Variants in NDUFB4 observed in about 807,000 individuals in gnomAD.
The protein encoded by NDUFB4 is NADH:ubiquinone oxidoreductase subunit B4.
In NDUFB4, 10 loss-of-function variants were observed where a neutral mutation model predicts 14.5. The ratio of observed to expected loss-of-function variants is 0.69; its 90% CI spans 0.43 to 1.17. The LOEUF is 1.17. Ranked by LOEUF, NDUFB4 falls within the 50% of genes most tolerant of loss-of-function variation. The pLI, the probability that NDUFB4 is intolerant of heterozygous loss-of-function variation, is 0.00. For synonymous variants in NDUFB4, 65 were observed against 63.4 expected (o/e 1.03, Z -0.12); for missense variants, 165 against 161.1 (o/e 1.02, Z -0.13).
chr3:120,601,654 T>G (rs2107472879), intron 2 of NDUFB4: 1 of 1,041,044 alleles, frequency 9.6e-7, no homozygotes, highest in South Asian at 3.7e-5. Flanking sequence ...ATAGCTGCCG[T>G]CAGCAGCCTG....
intron 1 of NDUFB4, 171 bp downstream of exon 1, chr3:120,596,710 G>GGACC: frequency 1.4e-6 from 1 of 724,112 alleles, no homozygotes; most frequent in Non-Finnish European, 2.2e-6. Flanking sequence ...GCCCTCGAGA[G>GGACC]GACCGGCTCT....
chr3:120,599,798 AG>A (rs201306485), intron 1 of NDUFB4, among the ~76,000 whole-genome samples: 1,565 of 152,292 alleles, frequency 0.01, 26 homozygotes, highest in African/African-American at 0.036. Flanking sequence ...GCCATTTGAT[AG>A]TCATTCAGAT....
intron 2 of NDUFB4, 82 bp from the exon 3 acceptor site, chr3:120,602,125 CT>C: frequency 6.5e-7 from 1 of 1,547,068 alleles, no homozygotes; most frequent in African/African-American, 1.4e-5. Flanking sequence ...TTTTTCTTAC[CT>C]TTTTTATTTA....
intron 1 of NDUFB4, among the ~76,000 whole-genome samples, chr3:120,599,951 G>C (rs1225685657): frequency 6.6e-6 from 1 of 151,662 alleles, no homozygotes; most frequent in Non-Finnish European, 1.5e-5. Context: ...CAATGCTGCA[G>C]AACACTTGCA....
At position 120,596,353 on chromosome 3, in the gene NDUFB4, C is replaced by A; in HGVS notation, c.-7C>A. ...GCGCAGGCGCAATTGTGCCCTGGTT[C>A]GCCAAGATGTCGTTCCCAAAGTATA... is the stretch of plus-strand genomic sequence containing the variant. On this transcript the variant is annotated 5_prime_UTR_variant, in exon 1 of 3. Transcript: ENST00000184266. 1.2e-6 allele frequency: 2 copies of A among 1,613,862 alleles called. No individual in the cohort carries two copies. Among genetic ancestry groups the A allele is most frequent in the Non-Finnish European group, 1.7e-6 (2 of 1,179,902 alleles).
chr3:120,600,809 C>G (rs2107472421), intron 1 of NDUFB4: 2 of 298,706 alleles, frequency 6.7e-6, no homozygotes, highest in Non-Finnish European at 1.2e-5. Context: ...GAAAAAGTGG[C>G]TTCTCTGACA....
At chr3:120,600,115 T>G (rs1474615611) in intron 1 of NDUFB4, among the ~76,000 whole-genome samples, 1 of 144,822 alleles carries the variant, frequency 6.9e-6, no homozygotes, top group Non-Finnish European at 1.5e-5. Flanking sequence ...TAAGGTTTTT[T>G]TTTTTGTTTT....
chr3:120,596,842 C>G (rs1939965712), intron 1 of NDUFB4, among the ~76,000 whole-genome samples: 1 of 151,748 alleles, frequency 6.6e-6, no homozygotes, highest in African/African-American at 2.4e-5. Context: ...TAATATAGTG[C>G]TTACTCTTTT....
chr3:120,597,667 A>G (rs1939988937), intron 1 of NDUFB4, among the ~76,000 whole-genome samples: 1 of 152,214 alleles, frequency 6.6e-6, no homozygotes, highest in South Asian at 2.1e-4. Context: ...AGTAGGTCAT[A>G]CAGAGATACC....
chr3:120,602,067 T>A (rs1387581267), intron 2 of NDUFB4, 141 bp from the exon 3 acceptor site: 2 of 1,464,224 alleles, frequency 1.4e-6, no homozygotes, highest in Admixed American at 2.9e-5. Context: ...AGGTTTGGAG[T>A]GTTTCATTCT....
rs570712871 is a variant in NDUFB4, at chr3:120,602,465, G to C, written c.*195G>C. On this transcript the variant is annotated 3_prime_UTR_variant, in exon 3 of 3. Coordinates refer to ENST00000184266, the MANE Select transcript of NDUFB4 (RefSeq NM_004547.6). ...AGCAAACATTTGCTGTACATTGAAT[G>C]AATGAACATAAACTTCATTAAACTG... The C allele has an allele frequency of 6.5e-5, 35 of 541,126 alleles. No homozygotes were observed. In the African/African-American group the frequency reaches 6.5e-4, roughly 10 times the overall value. The allele number at this position is 541,126 out of a possible 1,614,324, so 33.5% of individuals were successfully genotyped here.
At chr3:120,598,035 A>G (rs931842077) in intron 1 of NDUFB4, among the ~76,000 whole-genome samples, 2 of 151,764 alleles carry the variant, frequency 1.3e-5, no homozygotes, top group African/African-American at 4.9e-5. Context: ...CAATACATGT[A>G]AATTCTCTTG....
intron 1 of NDUFB4, among the ~76,000 whole-genome samples, chr3:120,598,074 A>G (rs779729151): frequency 2.4e-4 from 36 of 148,964 alleles, no homozygotes; most frequent in Non-Finnish European, 4.3e-4. Context: ...TTCCCTTGAG[A>G]CAGGATCTTA....
At chr3:120,599,667 G>T (rs1256883856) in intron 1 of NDUFB4, among the ~76,000 whole-genome samples, 1 of 152,042 alleles carries the variant, frequency 6.6e-6, no homozygotes, top group African/African-American at 2.4e-5. Flanking sequence ...TAACATTACC[G>T]GGCTTAATGA....
chr3:120,600,354 A>T (rs1436931118), intron 1 of NDUFB4, among the ~76,000 whole-genome samples: 1 of 151,896 alleles, frequency 6.6e-6, no homozygotes, highest in Non-Finnish European at 1.5e-5. Context: ...TAATTTTGTA[A>T]AATCACTTGG....
intron 2 of NDUFB4, chr3:120,601,501 G>A: frequency 7.3e-7 from 1 of 1,368,662 alleles, no homozygotes; most frequent in Non-Finnish European, 9.4e-7. Flanking sequence ...TGTTTATTGG[G>A]TTAAGTATTA....
Position 120,602,281 on chromosome 3 carries a change from G to A in NDUFB4, c.*11G>A. 1 of 1,595,300 alleles carries A rather than the reference G, an allele frequency of 6.3e-7. No homozygotes were observed. Among genetic ancestry groups the A allele is most frequent in the Non-Finnish European group, 8.6e-7 (1 of 1,167,670 alleles). ...CACCTCTCATATTAAGTCTGGCAATGATGACTATATGTATTCCTGCCTAAA... is the reference window on the plus strand; with the variant it reads ...CACCTCTCATATTAAGTCTGGCAATAATGACTATATGTATTCCTGCCTAAA... On this transcript the variant is annotated 3_prime_UTR_variant, in exon 3 of 3. Transcript: ENST00000184266.
chr3:120,600,787 A>AAG (rs1220656715), intron 1 of NDUFB4, among the ~76,000 whole-genome samples: 1 of 152,242 alleles, frequency 6.6e-6, no homozygotes, highest in Admixed American at 6.5e-5. Context: ...AATAGATGAA[A>AAG]ATGACAAAGG....
At chr3:120,597,050 C>CTA (rs1461033847) in intron 1 of NDUFB4, among the ~76,000 whole-genome samples, 5 of 144,336 alleles carry the variant, frequency 3.5e-5, no homozygotes, top group Non-Finnish European at 7.5e-5. Context: ...ATATTATATT[C>CTA]TATATATATG....
Sources: allele counts gnomAD v4.1 joint callset (sites outside exome capture counted in the v4.1 genomes callset), GRCh38; gene constraint gnomAD v4.1.1; transcripts MANE v1.5; gene names NCBI Gene and HGNC (gene_info 2026-07-23, HGNC 2026-07-21).